UNC79: variants seen among roughly 807,000 people sequenced by gnomAD.
UNC79 encodes unc-79 subunit of NALCN channel complex, also known as protein unc-79 homolog.
UNC79 carries 37 observed loss-of-function variants against 283.1 expected under a neutral mutation model. The ratio of observed to expected loss-of-function variants is 0.13; its 90% CI spans 0.10 to 0.17. The LOEUF is 0.17. Among genes scored for constraint, UNC79 ranks in the 10% least tolerant of loss-of-function variants. The probability of loss-of-function intolerance (pLI) is 1.00; values close to 1 mark genes in which losing one functional copy is unlikely to be tolerated. For missense variants in UNC79, 2,272 were observed against 3,211.1 expected (o/e 0.71, Z 7.07); for synonymous variants, 1,107 against 1,200.2 (o/e 0.92, Z 1.61).
chr14:93,509,650 C>T (rs2078617649), intron 7 of UNC79, among the ~76,000 whole-genome samples: 1 of 152,180 alleles, frequency 6.6e-6, no homozygotes, highest in African/African-American at 2.4e-5. Flanking sequence ...CTCCATGTAT[C>T]ACATCCAGGC....
intron 23 of UNC79, among the ~76,000 whole-genome samples, chr14:93,595,192 C>G (rs983140735): frequency 6.6e-6 from 1 of 151,544 alleles, no homozygotes; most frequent in East Asian, 1.9e-4. Flanking sequence ...CGGGTTTAAG[C>G]GATTCTGTTG....
chr14:93,366,364 A>G (rs888316701), intron 1 of UNC79, among the ~76,000 whole-genome samples: 3 of 152,160 alleles, frequency 2.0e-5, no homozygotes, highest in Non-Finnish European at 2.9e-5. Context: ...GCATCTTTCC[A>G]TGGCTCTCAG....
At chr14:93,361,232 A>AAAAAG (rs869171972) in intron 1 of UNC79, among the ~76,000 whole-genome samples, 11 of 63,510 alleles carry the variant, frequency 1.7e-4, no homozygotes, top group South Asian at 4.7e-4. Context: ...AAAAAAAAAA[A>AAAAAG]AAAAGAAAAG....
At chr14:93,518,438 T>C (rs376783376) in intron 7 of UNC79, among the ~76,000 whole-genome samples, 106 of 152,040 alleles carry the variant, frequency 7.0e-4, no homozygotes, top group Middle Eastern at 3.4e-3. Context: ...TCATGAATTT[T>C]CAATTTTTTT....
chr14:93,428,003 G>A (rs1017786726), upstream of UNC79, among the ~76,000 whole-genome samples: 2 of 152,158 alleles, frequency 1.3e-5, no homozygotes, highest in Admixed American at 1.3e-4. Context: ...AGAGCATTAT[G>A]TTATAGAAGT....
chr14:93,355,968 C>T (rs908699381), intron 1 of UNC79, among the ~76,000 whole-genome samples: 2 of 151,882 alleles, frequency 1.3e-5, no homozygotes, highest in Admixed American at 6.6e-5. Context: ...GTTCCCATGA[C>T]ATCCGTAGCT....
intron 1 of UNC79, among the ~76,000 whole-genome samples, chr14:93,445,707 A>G (rs1195237045): frequency 6.6e-6 from 1 of 152,162 alleles, no homozygotes; most frequent in Non-Finnish European, 1.5e-5. Flanking sequence ...ATTTTTTGAT[A>G]AATTCACCAT....
At chr14:93,333,558 C>G (rs1036473489) in intron 1 of UNC79, 2 of 397,124 alleles carry the variant, frequency 5.0e-6, no homozygotes, top group Non-Finnish European at 8.9e-6. Flanking sequence ...TTTACAGGCA[C>G]CACCTTGCTA....
chr14:93,542,343 G>T, intron 13 of UNC79, 123 bp from the exon 14 acceptor site: 2 of 966,442 alleles, frequency 2.1e-6, no homozygotes, highest in Non-Finnish European at 1.5e-6. Context: ...TTTTAAAACT[G>T]CCTATTTCAA....
intron 47 of UNC79, among the ~76,000 whole-genome samples, chr14:93,695,879 A>G (rs1351060626): frequency 2.1e-5 from 3 of 143,842 alleles, no homozygotes; most frequent in African/African-American, 8.0e-5. Flanking sequence ...CAACAGGATG[A>G]GACTTTGTCT....
rs572722956 is a variant in UNC79, at chr14:93,481,381, G to A, written c.619+3653G>A. Among the ~76,000 whole-genome samples, 52 of 152,240 alleles carry A rather than the reference G, an allele frequency of 3.4e-4. No homozygotes were observed. The South Asian group carries it at 0.011, about 31-fold the overall frequency. On this transcript the variant is annotated intron_variant, in intron 4 of 48. Coordinates refer to ENST00000555664, the Ensembl canonical transcript of UNC79. ...TGATTTGTGGACTGAATTGAAATATGGAGATTTGGGAGATGATGGCTTTGG... is the reference window on the plus strand; with the variant it reads ...TGATTTGTGGACTGAATTGAAATATAGAGATTTGGGAGATGATGGCTTTGG...
exon 2 of UNC79, chr14:93,467,753 T>G: frequency 6.7e-7 from 1 of 1,488,790 alleles, no homozygotes; most frequent in Non-Finnish European, 8.9e-7. Flanking sequence ...GAACAGATAT[T>G]GCAAACACCT....
At chr14:93,418,674 C>T (rs1274108131) in intron 1 of UNC79, among the ~76,000 whole-genome samples, 1 of 151,886 alleles carries the variant, frequency 6.6e-6, no homozygotes, top group African/African-American at 2.4e-5. Flanking sequence ...GTGGGCTCCA[C>T]CCAGTTCGAG....
intron 22 of UNC79, among the ~76,000 whole-genome samples, chr14:93,592,588 C>A (rs897940944): frequency 1.3e-5 from 2 of 152,034 alleles, no homozygotes; most frequent in Non-Finnish European, 2.9e-5. Context: ...TGAAAACAAT[C>A]CATGTATAAG....
At chr14:93,416,492 A>G (rs1349488535) in intron 1 of UNC79, among the ~76,000 whole-genome samples, 1 of 152,118 alleles carries the variant, frequency 6.6e-6, no homozygotes, top group Non-Finnish European at 1.5e-5. Flanking sequence ...AAAAATGTAT[A>G]TTCTGTTGAT....
intron 10 of UNC79, among the ~76,000 whole-genome samples, chr14:93,530,566 C>G (rs929377893): frequency 6.6e-6 from 1 of 152,036 alleles, no homozygotes. Context: ...GAGCCGTGAT[C>G]ATGCCACTGC....
intron 47 of UNC79, among the ~76,000 whole-genome samples, chr14:93,698,479 T>TTTTG (rs1283115238): frequency 2.7e-4 from 26 of 95,442 alleles, no homozygotes; most frequent in Non-Finnish European, 3.4e-4. Flanking sequence ...AGTTTAGGTT[T>TTTTG]TTTTTTTTTT....
chr14:93,545,293 C>T (rs1437034925), intron 14 of UNC79, among the ~76,000 whole-genome samples: 1 of 152,166 alleles, frequency 6.6e-6, no homozygotes, highest in East Asian at 1.9e-4. Context: ...CAAAATTAGT[C>T]TCTTTAAATT....
At chr14:93,440,835 C>G (rs2140131805) in intron 1 of UNC79, among the ~76,000 whole-genome samples, 1 of 152,080 alleles carries the variant, frequency 6.6e-6, no homozygotes, top group Admixed American at 6.5e-5. Context: ...GAGGTTTTTG[C>G]TGTGTCATAA....
Sources: gnomAD v4.1 joint callset for allele counts (sites outside exome capture counted in the v4.1 genomes callset) on GRCh38, gnomAD v4.1.1 for gene constraint, MANE v1.5 for transcripts, NCBI Gene and HGNC (gene_info 2026-07-23, HGNC 2026-07-21) for gene names.